NPAS3: variants seen among roughly 807,000 people sequenced by gnomAD.
NPAS3 encodes neuronal PAS domain-containing protein 3.
In NPAS3, 14 loss-of-function variants were observed where a neutral mutation model predicts 73.1. That is an observed-to-expected ratio of 0.19 (90% CI 0.13 to 0.30). The LOEUF (loss-of-function observed/expected upper bound fraction) is 0.30, where lower values mean the gene tolerates loss of function less well. NPAS3 is among the 10% of genes least tolerant of loss of function. The pLI, the probability that NPAS3 is intolerant of heterozygous loss-of-function variation, is 1.00. For synonymous variants in NPAS3, 620 were observed against 541.5 expected, an observed-to-expected ratio of 1.14 and a Z score of -2.01; for missense variants, 1,096 against 1,250.0, an observed-to-expected ratio of 0.88 and a Z score of 1.86.
intron 3 of NPAS3, among the ~76,000 whole-genome samples, chr14:33,362,714 G>A (rs753743715): frequency 2.0e-5 from 3 of 152,070 alleles, no homozygotes; most frequent in East Asian, 1.9e-4. Flanking sequence ...TTTGCCAGGC[G>A]TTCCTGAGAT....
intron 5 of NPAS3, among the ~76,000 whole-genome samples, chr14:33,624,426 G>T (rs1422968530): frequency 6.6e-6 from 1 of 152,112 alleles, no homozygotes; most frequent in Non-Finnish European, 1.5e-5. Flanking sequence ...CTCTGAAATT[G>T]ACATAAAATG....
chr14:33,148,949 A>G (rs1338513898), intron 2 of NPAS3, among the ~76,000 whole-genome samples: 1 of 152,090 alleles, frequency 6.6e-6, no homozygotes, highest in Non-Finnish European at 1.5e-5. Flanking sequence ...GGCCTCCCCA[A>G]GTGCTAAGAT....
At chr14:33,675,995 C>A (rs115165448) in intron 5 of NPAS3, among the ~76,000 whole-genome samples, 5,010 of 150,576 alleles carry the variant, frequency 0.033, 255 homozygotes, top group African/African-American at 0.11. Context: ...AAAAAAAAAA[C>A]TGAGCTTAAC....
chr14:33,190,271 G>T (rs944940952), intron 2 of NPAS3, among the ~76,000 whole-genome samples: 2 of 152,172 alleles, frequency 1.3e-5, no homozygotes, highest in African/African-American at 4.8e-5. Flanking sequence ...ACATGTATTG[G>T]CAAGTTTCAG....
intron 4 of NPAS3, among the ~76,000 whole-genome samples, chr14:33,388,273 A>C (rs2046854373): frequency 6.6e-6 from 1 of 152,116 alleles, no homozygotes; most frequent in Non-Finnish European, 1.5e-5. Context: ...AGCTATTAAC[A>C]AGTAAAACAT....
intron 4 of NPAS3, among the ~76,000 whole-genome samples, chr14:33,553,938 A>C (rs1188388961): frequency 1.3e-5 from 2 of 152,200 alleles, no homozygotes; most frequent in African/African-American, 2.4e-5. Flanking sequence ...TCACTTCCTG[A>C]GTGCATTCGG....
intron 3 of NPAS3, among the ~76,000 whole-genome samples, chr14:33,227,386 G>A (rs1209855368): frequency 6.6e-6 from 1 of 152,122 alleles, no homozygotes; most frequent in Admixed American, 6.5e-5. Flanking sequence ...CTTTTACTGA[G>A]ATTAGAAAAG....
intron 3 of NPAS3, among the ~76,000 whole-genome samples, chr14:33,290,655 C>G (rs991983719): frequency 6.6e-6 from 1 of 152,148 alleles, no homozygotes; most frequent in Non-Finnish European, 1.5e-5. Context: ...AACCTTCTTG[C>G]TCTACCGTGC....
rs563729436 is a variant in NPAS3 at position 33,580,420 on chromosome 14, G to A, written c.558+20210G>A. Among the ~76,000 whole-genome samples, 20 of 152,312 alleles carry A rather than the reference G, an allele frequency of 1.3e-4. No homozygotes were observed. The South Asian group carries it at 3.5e-3, about 27-fold the overall frequency. Reference sequence around the variant, plus strand: ...AGATGACTCCAGGCCAATAAAGGGAGAGGGAAATGATAAGGGAACTGTGTG... The same window carrying A: ...AGATGACTCCAGGCCAATAAAGGGAAAGGGAAATGATAAGGGAACTGTGTG... On this transcript the variant is annotated intron_variant, in intron 5 of 11. Transcript: ENST00000356141.
intron 7 of NPAS3, among the ~76,000 whole-genome samples, chr14:33,754,549 A>T (rs892085830): frequency 6.6e-6 from 1 of 152,162 alleles, no homozygotes; most frequent in Non-Finnish European, 1.5e-5. Flanking sequence ...GAGGGAGACC[A>T]TGGCTTCAAT....
At chr14:33,110,634 T>TA (rs887784873) in intron 2 of NPAS3, among the ~76,000 whole-genome samples, 1 of 152,138 alleles carries the variant, frequency 6.6e-6, no homozygotes, top group African/African-American at 2.4e-5. Context: ...TTTGCATCAT[T>TA]AAAAAATACA....
intron 4 of NPAS3, among the ~76,000 whole-genome samples, chr14:33,395,886 C>T (rs2047200936): frequency 6.6e-6 from 1 of 152,118 alleles, no homozygotes; most frequent in Non-Finnish European, 1.5e-5. Flanking sequence ...TTCTGCATTT[C>T]ATCTTATCTC....
At chr14:33,546,210 G>C (rs1356219493) in intron 4 of NPAS3, among the ~76,000 whole-genome samples, 1 of 152,318 alleles carries the variant, frequency 6.6e-6, no homozygotes, top group South Asian at 2.1e-4. Context: ...CCTAGGCAGA[G>C]ATATGAAAGA....
At chr14:33,198,867 G>A (rs547073752) in intron 2 of NPAS3, among the ~76,000 whole-genome samples, 8 of 152,310 alleles carry the variant, frequency 5.3e-5, no homozygotes, top group South Asian at 2.1e-4. Context: ...TGCAGGTCCC[G>A]GAGCCCTGCC....
chr14:33,439,446 C>T (rs2049137832), intron 4 of NPAS3, among the ~76,000 whole-genome samples: 1 of 152,188 alleles, frequency 6.6e-6, no homozygotes, highest in Non-Finnish European at 1.5e-5. Flanking sequence ...TCATTCTCTT[C>T]ACCATGGTCA....
intron 3 of NPAS3, among the ~76,000 whole-genome samples, chr14:33,327,874 G>T (rs2043782748): frequency 6.6e-6 from 1 of 152,158 alleles, no homozygotes; most frequent in South Asian, 2.1e-4. Flanking sequence ...ATTTCAAAAA[G>T]ATACCACCCA....
chr14:33,039,027 A>G (rs4981172), intron 1 of NPAS3, among the ~76,000 whole-genome samples: 27,502 of 152,138 alleles, frequency 0.18, 2,989 homozygotes, highest in Admixed American at 0.27. Context: ...ACATATTTGG[A>G]TGTCATCAGT....
chr14:33,451,844 T>C (rs1167220889), intron 4 of NPAS3, among the ~76,000 whole-genome samples: 1 of 152,198 alleles, frequency 6.6e-6, no homozygotes, highest in Non-Finnish European at 1.5e-5. Context: ...ATTCTTAAAC[T>C]GTTGAATAAA....
chr14:32,986,101 G>A (rs1206132421), intron 1 of NPAS3, among the ~76,000 whole-genome samples: 1 of 152,168 alleles, frequency 6.6e-6, no homozygotes, highest in Non-Finnish European at 1.5e-5. Context: ...TCTGTGTGCA[G>A]CTGTGGTTTT....
Sources: gnomAD v4.1 joint callset for allele counts (sites outside exome capture counted in the v4.1 genomes callset) on GRCh38, gnomAD v4.1.1 for gene constraint, MANE v1.5 for transcripts, NCBI Gene and HGNC (gene_info 2026-07-23, HGNC 2026-07-21) for gene names.